Variants in TUT4 observed in about 807,000 individuals in gnomAD.
TUT4 encodes the protein terminal uridylyltransferase 4.
In TUT4, 36 loss-of-function variants were observed where a neutral mutation model predicts 192.2. The observed-to-expected ratio is 0.19, with a 90% CI of 0.14 to 0.25. The LOEUF (loss-of-function observed/expected upper bound fraction) is 0.25, where lower values mean the gene tolerates loss of function less well. TUT4 is among the 10% of genes least tolerant of loss of function. The probability of loss-of-function intolerance (pLI) is 1.00; values close to 1 mark genes in which losing one functional copy is unlikely to be tolerated. For synonymous variants in TUT4, 618 were observed against 666.0 expected, an observed-to-expected ratio of 0.93 and a Z score of 1.11; for missense variants, 1,493 against 1,957.2, an observed-to-expected ratio of 0.76 and a Z score of 4.47.
In TUT4 at chr1:52,458,610, G is replaced by A. The variant is rs1661618284; in HGVS notation, c.3322-161C>T. ...TAATCCCAACACTCTGGGAGGTTGA[G>A]GTGAAAGAAAAGCTTCAGCCCAGGA... On this transcript the variant is annotated intron_variant, in intron 19 of 29. Transcript: ENST00000257177. Among the ~76,000 whole-genome samples the A allele has an allele frequency of 1.3e-5, 2 of 152,072 alleles. 1 individual carries two copies. Among genetic ancestry groups the A allele is most frequent in the South Asian group, 4.1e-4 (2 of 4,820 alleles).
intron 20 of TUT4, among the ~76,000 whole-genome samples, chr1:52,452,646 T>C (rs1397462134): frequency 2.6e-5 from 4 of 152,360 alleles, no homozygotes; most frequent in African/African-American, 7.2e-5. Flanking sequence ...TGGAGGTTCC[T>C]AGATGGTGGT....
At chr1:52,448,610 A>AAAAAAG (rs1658336013) in intron 20 of TUT4, among the ~76,000 whole-genome samples, 2 of 151,308 alleles carry the variant, frequency 1.3e-5, no homozygotes, top group African/African-American at 4.9e-5. Flanking sequence ...AAAAAAAAAA[A>AAAAAAG]AAAGAGGCAA....
At position 52,459,710 on chromosome 1, in the gene TUT4, G is replaced by A. The variant is rs527629502; in HGVS notation, c.3322-1261C>T. On this transcript the variant is annotated intron_variant, in intron 19 of 29. Transcript: ENST00000257177. Reference sequence around the variant, plus strand: ...AGCCTGGCCAACATGGCAAAACCCCGTCTCTGCCAAAAATACAAAAATTAG... The same window carrying A: ...AGCCTGGCCAACATGGCAAAACCCCATCTCTGCCAAAAATACAAAAATTAG... 2.6e-5 allele frequency among the ~76,000 whole-genome samples: 4 copies of A among 152,076 alleles called. No individual in the cohort carries two copies. In the East Asian group the frequency reaches 5.8e-4, roughly 22 times the overall value.
chr1:52,489,078 T>A (rs201219200), intron 8 of TUT4, 43 bp from the exon 9 acceptor site: 5 of 1,561,588 alleles, frequency 3.2e-6, no homozygotes, highest in African/African-American at 1.4e-5. Context: ...TTAATACCCT[T>A]AAAAGCAGAA....
chr1:52,528,609 A>C (rs1472650655), intron 1 of TUT4, among the ~76,000 whole-genome samples: 1 of 152,174 alleles, frequency 6.6e-6, no homozygotes, highest in African/African-American at 2.4e-5. Context: ...TATGAATAAA[A>C]ATTAGAGTCC....
At chr1:52,498,905 TATATA>T (rs1557858943) in intron 4 of TUT4, among the ~76,000 whole-genome samples, 122 of 2,010 alleles carry the variant, frequency 0.061, 9 homozygotes, top group African/African-American at 0.077. Flanking sequence ...AAAAAAATTA[TATATA>T]TATATATATA....
intron 24 of TUT4, among the ~76,000 whole-genome samples, chr1:52,442,078 C>T (rs146235867): frequency 5.1e-4 from 76 of 149,472 alleles, no homozygotes; most frequent in Non-Finnish European, 9.6e-4. Flanking sequence ...CAAGGCAGGA[C>T]GATCACTTGA....
rs1207812437 is a variant in TUT4 at position 52,477,781 on chromosome 1, G to C, written c.1950C>G (p.Val650=). The C allele has an allele frequency of 6.2e-7, 1 of 1,613,844 alleles. No homozygotes were observed. The highest frequency in any genetic ancestry group is 1.1e-5 in the South Asian group (1 of 91,052). The change falls in exon 12 of 30, where the codon GTC becomes GTG. Residue 650 remains valine, a synonymous_variant. Coordinates refer to ENST00000257177, the MANE Select transcript of TUT4 (RefSeq NM_001009881.3). ...YTLDFALEEY[V]ICVRIQDILT... ...AAATATCTTGTATCCGTACACATAT[G>C]ACATATTCCTCCAAAGCAAAATCCA...
Position 52,431,171 on chromosome 1 carries a change from C to T in TUT4, c.4553G>A (p.Gly1518Asp). 1 of 1,614,174 alleles carries T rather than the reference C, an allele frequency of 6.2e-7. No individual in the cohort carries two copies. Among genetic ancestry groups the T allele is most frequent in the South Asian group, 1.1e-5 (1 of 91,078 alleles). ...IHGPVIHSAP[G>D]SAPSNIGLND... ...TAGGCCAATATTGCTGGGGGCACTGCCTGGTGCAGAGTGGATCACTGGGCC... is the reference window on the plus strand; with the variant it reads ...TAGGCCAATATTGCTGGGGGCACTGTCTGGTGCAGAGTGGATCACTGGGCC... Residue 1518 changes from glycine to aspartate, a missense_variant, in exon 28 of 30, where the codon GGC becomes GAC. By Grantham distance (94) the Gly-to-Asp change is moderately conservative. Transcript: ENST00000257177.
chr1:52,475,219 G>T lies in TUT4; in HGVS notation c.2340C>A (p.Asn780Lys), dbSNP rs571912632. The T allele has an allele frequency of 6.2e-7, 1 of 1,614,080 alleles. No homozygotes were observed. The highest frequency in any genetic ancestry group is 8.5e-7 in the Non-Finnish European group (1 of 1,180,024). The change falls in exon 13 of 30, where the codon AAC becomes AAA. Residue 780 changes from asparagine (N) to lysine (K), a missense_variant. This residue lies in a region of TUT4 where 245 missense variants were observed against 218.4 expected (regional missense o/e 1.12). Coordinates refer to ENST00000257177, the MANE Select transcript of TUT4 (RefSeq NM_001009881.3). Reference sequence around the variant, plus strand: ...CTAGTTCATTTACCAACAAATTGTTGTTGTCAATAATACATCTCTGTGATG... The same window carrying T: ...CTAGTTCATTTACCAACAAATTGTTTTTGTCAATAATACATCTCTGTGATG... Reference protein sequence around the residue: ...DCTSQRCIIDNNNLLVNELDF... With the variant: ...DCTSQRCIIDKNNLLVNELDF...
At chr1:52,498,346 C>T (rs1277159646) in intron 4 of TUT4, among the ~76,000 whole-genome samples, 1 of 151,408 alleles carries the variant, frequency 6.6e-6, no homozygotes, top group Non-Finnish European at 1.5e-5. Context: ...GGGGTTCACG[C>T]CATTCTCCTG....
At chr1:52,455,607 TAAAAAAAAAA>T (rs34934935) in intron 20 of TUT4, among the ~76,000 whole-genome samples, 4 of 40,560 alleles carry the variant, frequency 9.9e-5, no homozygotes, top group Non-Finnish European at 1.2e-4. Flanking sequence ...ACGCTACCTT[TAAAAAAAAAA>T]AAAAAAAAAA....
At chr1:52,475,994 G>A (rs528028325) in intron 12 of TUT4, among the ~76,000 whole-genome samples, 33 of 152,014 alleles carry the variant, frequency 2.2e-4, no homozygotes, top group African/African-American at 6.0e-4. Flanking sequence ...ACAGGTACAC[G>A]CCACCACGCC....
chr1:52,471,111 G>A (rs113624413), intron 14 of TUT4, among the ~76,000 whole-genome samples: 13,059 of 147,184 alleles, frequency 0.089, 722 homozygotes, highest in East Asian at 0.2. Flanking sequence ...CCACCTCCCA[G>A]GTCCAAGCGA....
chr1:52,541,395 G>A (rs1455486802), intron 1 of TUT4, among the ~76,000 whole-genome samples: 4 of 151,806 alleles, frequency 2.6e-5, no homozygotes, highest in Non-Finnish European at 4.4e-5. Flanking sequence ...AGCTGAACAT[G>A]GTGGCAGGCG....
intron 8 of TUT4, among the ~76,000 whole-genome samples, chr1:52,489,982 G>A (rs986832385): frequency 1.3e-5 from 2 of 152,028 alleles, no homozygotes; most frequent in Admixed American, 1.3e-4. Flanking sequence ...TGCTTTCAAA[G>A]GCACTTTGAT....
In TUT4 at chr1:52,475,584, C is replaced by T. The variant is rs778384182; in HGVS notation, c.2024-49G>A. 8.9e-6 allele frequency: 13 copies of T among 1,467,848 alleles called. No individual in the cohort carries two copies. The Admixed American group carries it at 2.8e-4, about 31-fold the overall frequency. The allele number at this position is 1,467,848 out of a possible 1,614,324, so 90.9% of individuals were successfully genotyped here. On this transcript the variant is annotated intron_variant, in intron 12 of 29. Transcript: ENST00000257177. ...TAGCTAAGTCTCTACTAACAAACTA[C>T]ATTTCCAAGCTCATACAAGTAGATC...
At chr1:52,534,021 G>A (rs762650077) in intron 1 of TUT4, among the ~76,000 whole-genome samples, 2 of 152,168 alleles carry the variant, frequency 1.3e-5, no homozygotes, top group African/African-American at 2.4e-5. Context: ...TCCCACTTTC[G>A]ATATTTCATT....
chr1:52,525,415 G>C (rs1246163613), intron 2 of TUT4, 148 bp downstream of exon 2: 2 of 1,035,814 alleles, frequency 1.9e-6, no homozygotes, highest in Non-Finnish European at 2.7e-6. Context: ...AACCATTAAT[G>C]CAAGTATTAT....
Sources: gnomAD v4.1 joint callset for allele counts (sites outside exome capture counted in the v4.1 genomes callset) on GRCh38, gnomAD v4.1.1 for gene constraint, gnomAD v4.1.1 regional missense constraint, MANE v1.5 for transcripts, NCBI Gene and HGNC (gene_info 2026-07-23, HGNC 2026-07-21) for gene names.